Variants in DIAPH3 observed in about 807,000 individuals in gnomAD.
DIAPH3 encodes the protein protein diaphanous homolog 3.
DIAPH3 carries 117 observed loss-of-function variants against 144.3 expected under a neutral mutation model. The observed-to-expected ratio is 0.81, with a 90% CI of 0.70 to 0.95. DIAPH3 has a LOEUF of 0.95. Ranked by LOEUF, DIAPH3 falls within the 40% of genes least tolerant of loss-of-function variation. The pLI, the probability that DIAPH3 is intolerant of heterozygous loss-of-function variation, is 0.00. For missense variants in DIAPH3, 1,421 were observed against 1,412.7 expected, an observed-to-expected ratio of 1.01 and a Z score of -0.09; for synonymous variants, 519 against 488.9, an observed-to-expected ratio of 1.06 and a Z score of -0.81.
chr13:59,991,985 G>T (rs2140823076), intron 11 of DIAPH3, 83 bp downstream of exon 11: 1 of 1,040,976 alleles, frequency 9.6e-7, no homozygotes, highest in Non-Finnish European at 1.5e-6. Context: ...ATATAGAAAT[G>T]AGCTAAATAT....
intron 27 of DIAPH3, among the ~76,000 whole-genome samples, chr13:59,758,216 G>T (rs906098490): frequency 1.8e-4 from 28 of 152,178 alleles, no homozygotes; most frequent in Non-Finnish European, 1.5e-5. Flanking sequence ...ACTCCTAGGT[G>T]TATGTCTGAT....
At chr13:60,024,312 CTA>C (rs1177998906) in intron 5 of DIAPH3, among the ~76,000 whole-genome samples, 1 of 152,124 alleles carries the variant, frequency 6.6e-6, no homozygotes, top group African/African-American at 2.4e-5. Context: ...GTGGTCCAGA[CTA>C]TATACTTTCT....
chr13:60,051,664 G>A (rs1281303167), intron 4 of DIAPH3, among the ~76,000 whole-genome samples: 2 of 152,048 alleles, frequency 1.3e-5, no homozygotes, highest in African/African-American at 2.4e-5. Context: ...GACAGAGGAT[G>A]TGCCCTACTA....
intron 17 of DIAPH3, among the ~76,000 whole-genome samples, chr13:59,939,157 G>A (rs910434237): frequency 6.6e-6 from 1 of 152,124 alleles, no homozygotes; most frequent in African/African-American, 2.4e-5. Context: ...CATTTAAAAT[G>A]TATACGTTCT....
intron 5 of DIAPH3, among the ~76,000 whole-genome samples, chr13:60,016,608 T>C (rs1407157124): frequency 6.6e-6 from 1 of 152,102 alleles, no homozygotes; most frequent in Admixed American, 6.5e-5. Context: ...AGGAAAGATG[T>C]AGATCAACAT....
At chr13:59,821,196 T>C (rs528779839) in intron 24 of DIAPH3, among the ~76,000 whole-genome samples, 5 of 152,156 alleles carry the variant, frequency 3.3e-5, no homozygotes, top group African/African-American at 1.2e-4. Flanking sequence ...TAGACAAACC[T>C]AACTTAAGTC....
chr13:60,041,777 A>G lies in DIAPH3; in HGVS notation c.626+913T>C, dbSNP rs769205984. ...AATAAAAACCCAAAACTGATCTACA[A>G]TCCTTGTAGCTCTGAAATTCTCTGT... On this transcript the variant is annotated intron_variant, in intron 5 of 27. Transcript: ENST00000400324. 2.0e-5 allele frequency among the ~76,000 whole-genome samples: 3 copies of G among 152,106 alleles called. No individual in the cohort carries two copies. In the South Asian group the frequency reaches 6.2e-4, roughly 32 times the overall value.
intron 21 of DIAPH3, among the ~76,000 whole-genome samples, chr13:59,865,549 C>T (rs340214): frequency 0.55 from 83,795 of 151,870 alleles, 24,565 homozygotes; most frequent in East Asian, 0.73. Flanking sequence ...TAATCATCAC[C>T]GTTAAACAGA....
chr13:59,693,012 G>GT (rs1176529746), intron 27 of DIAPH3, among the ~76,000 whole-genome samples: 1 of 152,192 alleles, frequency 6.6e-6, no homozygotes, highest in African/African-American at 2.4e-5. Flanking sequence ...GTACAATTAT[G>GT]AATGTAACAA....
chr13:59,731,917 C>T (rs2035909450), intron 27 of DIAPH3, among the ~76,000 whole-genome samples: 2 of 152,034 alleles, frequency 1.3e-5, no homozygotes, highest in South Asian at 4.2e-4. Context: ...TTTCTCAATC[C>T]TGGTGTCTTA....
chr13:60,162,937 G>C (rs1333896396), intron 1 of DIAPH3, among the ~76,000 whole-genome samples: 1 of 151,784 alleles, frequency 6.6e-6, no homozygotes, highest in Admixed American at 6.6e-5. Context: ...CCCTCTATGT[G>C]ATTTATTTAC....
chr13:59,994,252 C>A (rs910891920), intron 9 of DIAPH3, among the ~76,000 whole-genome samples: 1 of 151,806 alleles, frequency 6.6e-6, no homozygotes, highest in Non-Finnish European at 1.5e-5. Context: ...TTAAATCATG[C>A]AAACATGTCT....
chr13:60,040,226 C>CAAAAAAAA (rs5803983), intron 5 of DIAPH3, among the ~76,000 whole-genome samples: 2 of 34,838 alleles, frequency 5.7e-5, no homozygotes, highest in Non-Finnish European at 9.2e-5. Flanking sequence ...GACTCCATCT[C>CAAAAAAAA]AAAAAAAAAA....
intron 1 of DIAPH3, among the ~76,000 whole-genome samples, chr13:60,149,752 C>CAA (rs35814915): frequency 0.093 from 8,784 of 94,894 alleles, 722 homozygotes; most frequent in African/African-American, 0.22. Flanking sequence ...GACACTGTCT[C>CAA]AAAAAAAAAA....
chr13:59,952,897 G>A (rs2049172410), intron 17 of DIAPH3, among the ~76,000 whole-genome samples: 1 of 152,172 alleles, frequency 6.6e-6, no homozygotes, highest in Non-Finnish European at 1.5e-5. Flanking sequence ...CATTCTTCTA[G>A]GTGCTTGTGA....
At chr13:60,118,976 T>G (rs2058766743) in intron 2 of DIAPH3, among the ~76,000 whole-genome samples, 1 of 152,226 alleles carries the variant, frequency 6.6e-6, no homozygotes. Context: ...TCTCATTTAT[T>G]TTGTAATTGT....
At chr13:60,120,732 C>A (rs369211648) in intron 2 of DIAPH3, among the ~76,000 whole-genome samples, 1 of 152,108 alleles carries the variant, frequency 6.6e-6, no homozygotes, top group Non-Finnish European at 1.5e-5. Context: ...GAGGCCTCCC[C>A]GCACCAATTA....
intron 1 of DIAPH3, among the ~76,000 whole-genome samples, chr13:60,134,596 A>AT (rs1304756056): frequency 1.3e-5 from 2 of 152,182 alleles, no homozygotes; most frequent in African/African-American, 4.8e-5. Flanking sequence ...CTTCCAGCCT[A>AT]TTGCATTTGG....
At chr13:59,726,709 G>A (rs1352566897) in intron 27 of DIAPH3, among the ~76,000 whole-genome samples, 2 of 152,134 alleles carry the variant, frequency 1.3e-5, no homozygotes, top group Non-Finnish European at 2.9e-5. Flanking sequence ...GATCTGTGGG[G>A]CTATTCCGTC....
Sources: gnomAD v4.1 joint callset for allele counts (sites outside exome capture counted in the v4.1 genomes callset) on GRCh38, gnomAD v4.1.1 for gene constraint, MANE v1.5 for transcripts, NCBI Gene and HGNC (gene_info 2026-07-23, HGNC 2026-07-21) for gene names.